DIAPH3: variants seen among roughly 807,000 people sequenced by gnomAD.
DIAPH3 encodes diaphanous related formin 3.
Under a neutral mutation model 144.3 loss-of-function variants are expected in DIAPH3, and 117 were observed. That is an observed-to-expected ratio of 0.81 (90% CI 0.70 to 0.95). DIAPH3 has a LOEUF of 0.95. Ranked by LOEUF, DIAPH3 falls within the 40% of genes least tolerant of loss-of-function variation. The pLI, the probability that DIAPH3 is intolerant of heterozygous loss-of-function variation, is 0.00. For missense variants in DIAPH3, 1,421 were observed against 1,412.7 expected (o/e 1.01, Z -0.09); for synonymous variants, 519 against 488.9 (o/e 1.06, Z -0.81).
intron 24 of DIAPH3, among the ~76,000 whole-genome samples, chr13:59,824,172 GA>G (rs1261506192): frequency 6.6e-6 from 1 of 152,066 alleles, no homozygotes; most frequent in Non-Finnish European, 1.5e-5. Context: ...AATAAAAAAG[GA>G]TAAAATACAG....
At chr13:59,805,531 G>A (rs1405740273) in intron 25 of DIAPH3, among the ~76,000 whole-genome samples, 1 of 151,792 alleles carries the variant, frequency 6.6e-6, no homozygotes, top group Non-Finnish European at 1.5e-5. Flanking sequence ...TCAAACTCAA[G>A]CATCAACCTT....
chr13:60,124,908 G>A (rs1304343953), intron 2 of DIAPH3, among the ~76,000 whole-genome samples: 2 of 152,054 alleles, frequency 1.3e-5, no homozygotes, highest in Admixed American at 1.3e-4. Flanking sequence ...GAAAAGGATA[G>A]TACTTAAATG....
chr13:59,925,765 G>A (rs190706232), intron 17 of DIAPH3, among the ~76,000 whole-genome samples: 78 of 152,102 alleles, frequency 5.1e-4, no homozygotes, highest in South Asian at 4.2e-4. Flanking sequence ...TGGTAGCTAC[G>A]TGTCCAGAAA....
intron 27 of DIAPH3, among the ~76,000 whole-genome samples, chr13:59,697,231 G>A (rs1299709802): frequency 6.6e-6 from 1 of 151,340 alleles, no homozygotes; most frequent in Non-Finnish European, 1.5e-5. Flanking sequence ...AGGCCGAGGC[G>A]GGCGGATCAC....
At chr13:59,699,113 C>A (rs912024033) in intron 27 of DIAPH3, among the ~76,000 whole-genome samples, 3 of 152,146 alleles carry the variant, frequency 2.0e-5, no homozygotes, top group Admixed American at 6.5e-5. Flanking sequence ...AGGCAGGAGG[C>A]AGCTCACAAG....
intron 4 of DIAPH3, among the ~76,000 whole-genome samples, chr13:60,047,432 C>T (rs946819193): frequency 6.6e-6 from 1 of 152,134 alleles, no homozygotes; most frequent in African/African-American, 2.4e-5. Flanking sequence ...CTTACACTAT[C>T]TGATTTCAAG....
chr13:60,112,134 G>A lies in DIAPH3; in HGVS notation c.266C>T (p.Pro89Leu). 6.2e-7 allele frequency: 1 copy of A among 1,614,154 alleles called. No homozygotes were observed. Among genetic ancestry groups the A allele is most frequent in the South Asian group, 1.1e-5 (1 of 91,080 alleles). Reference sequence around the variant, plus strand: ...AAATGCAGTCTTCAGGTTGGGAAGTGGAGGTCTCTCTTTCTTGCTCCCTGG... The same window carrying A: ...AAATGCAGTCTTCAGGTTGGGAAGTAGAGGTCTCTCTTTCTTGCTCCCTGG... Reference protein sequence around the residue: ...RIPGSKKERPPLPNLKTAFAS... With the variant: ...RIPGSKKERPLLPNLKTAFAS... Residue 89 changes from proline (P) to leucine (L), a missense_variant, in exon 3 of 28, where the codon CCA (proline) becomes CTA (leucine). Transcript: ENST00000400324.
chr13:60,034,221 T>C (rs1292721634), intron 5 of DIAPH3, among the ~76,000 whole-genome samples: 2 of 152,222 alleles, frequency 1.3e-5, no homozygotes, highest in African/African-American at 4.8e-5. Flanking sequence ...AATAACTTCA[T>C]ACTGATAGCT....
chr13:59,790,810 T>TA (rs1283266298), intron 25 of DIAPH3, among the ~76,000 whole-genome samples: 4 of 152,072 alleles, frequency 2.6e-5, no homozygotes, highest in South Asian at 4.2e-4. Flanking sequence ...TTAACAATTG[T>TA]AAAAAAACTG....
intron 17 of DIAPH3, among the ~76,000 whole-genome samples, chr13:59,937,740 T>C (rs1316916351): frequency 6.6e-6 from 1 of 152,154 alleles, no homozygotes; most frequent in Non-Finnish European, 1.5e-5. Context: ...AATTTTACAA[T>C]AAACTTACTT....
chr13:60,071,891 T>G (rs2057222353), intron 4 of DIAPH3, among the ~76,000 whole-genome samples: 1 of 152,130 alleles, frequency 6.6e-6, no homozygotes, highest in Non-Finnish European at 1.5e-5. Context: ...AATCTCTTTC[T>G]CCCTAGTGAC....
intron 27 of DIAPH3, among the ~76,000 whole-genome samples, chr13:59,686,485 A>C (rs1156701364): frequency 6.6e-6 from 1 of 151,712 alleles, no homozygotes; most frequent in South Asian, 2.1e-4. Context: ...GAAAAGAACA[A>C]ATAAGAAAGC....
intron 25 of DIAPH3, among the ~76,000 whole-genome samples, chr13:59,786,523 G>A (rs1192550545): frequency 1.3e-5 from 2 of 152,146 alleles, no homozygotes; most frequent in East Asian, 1.9e-4. Flanking sequence ...GGATAAAAAA[G>A]CTATTTATCT....
chr13:59,735,301 C>T (rs1306995679), intron 27 of DIAPH3, among the ~76,000 whole-genome samples: 2 of 152,000 alleles, frequency 1.3e-5, no homozygotes, highest in Non-Finnish European at 2.9e-5. Flanking sequence ...TATTTTGTGA[C>T]GTTAAATAAA....
intron 25 of DIAPH3, among the ~76,000 whole-genome samples, chr13:59,799,570 A>T (rs76065946): frequency 0.076 from 11,523 of 152,290 alleles, 562 homozygotes; most frequent in Middle Eastern, 0.12. Flanking sequence ...AAAGTATAAG[A>T]GCACATAAAA....
At chr13:59,714,089 G>A (rs962093637) in intron 27 of DIAPH3, among the ~76,000 whole-genome samples, 15 of 152,046 alleles carry the variant, frequency 9.9e-5, no homozygotes, top group African/African-American at 4.8e-5. Flanking sequence ...GGCCGGGCGC[G>A]GTGGCTCACG....
At chr13:60,091,891 G>A (rs560262416) in intron 4 of DIAPH3, among the ~76,000 whole-genome samples, 13 of 151,910 alleles carry the variant, frequency 8.6e-5, no homozygotes, top group South Asian at 6.3e-4. Flanking sequence ...CACCCAGGCT[G>A]GAGTACAGTG....
intron 27 of DIAPH3, 156 bp downstream of exon 27, chr13:59,774,033 G>A (rs2038258337): frequency 2.9e-6 from 2 of 689,888 alleles, no homozygotes; most frequent in East Asian, 5.5e-5. Context: ...TGAAAAATAC[G>A]AGTACGCAAT....
chr13:59,721,414 T>C (rs1030796295), intron 27 of DIAPH3, among the ~76,000 whole-genome samples: 1 of 152,206 alleles, frequency 6.6e-6, no homozygotes, highest in Non-Finnish European at 1.5e-5. Flanking sequence ...CTGGGATTTT[T>C]ATACAACCAT....
Sources: allele counts gnomAD v4.1 joint callset (sites outside exome capture counted in the v4.1 genomes callset), GRCh38; gene constraint gnomAD v4.1.1; transcripts MANE v1.5; gene names NCBI Gene and HGNC (gene_info 2026-07-23, HGNC 2026-07-21).